RBFOX1: variants seen among roughly 807,000 people sequenced by gnomAD.
RBFOX1 encodes RNA binding fox-1 homolog 1.
A neutral mutation model predicts 57.7 loss-of-function variants in RBFOX1; 8 were observed. That is an observed-to-expected ratio of 0.14 (90% CI 0.08 to 0.25). The LOEUF (loss-of-function observed/expected upper bound fraction) is 0.25. Among genes scored for constraint, RBFOX1 ranks in the 10% least tolerant of loss-of-function variants. The pLI is 1.00. For synonymous variants in RBFOX1, 326 were observed against 222.4 expected, an observed-to-expected ratio of 1.47 and a Z score of -4.15; for missense variants, 611 against 548.5, an observed-to-expected ratio of 1.11 and a Z score of -1.14.
At chr16:5,249,881 C>T (rs910085532) in intron 1 of RBFOX1, among the ~76,000 whole-genome samples, 6 of 151,664 alleles carry the variant, frequency 4.0e-5, no homozygotes, top group Non-Finnish European at 7.4e-5. Context: ...ATCGCTTGAA[C>T]CCAGAAGCAG....
chr16:5,785,511 TTTTCTTTC>T (rs369767150), intron 3 of RBFOX1, among the ~76,000 whole-genome samples: 4 of 151,914 alleles, frequency 2.6e-5, no homozygotes, highest in Admixed American at 2.0e-4. Context: ...TTCTTTTCTT[TTTTCTTTC>T]TTTCTTTCTT....
chr16:5,869,270 C>T (rs1220894466), intron 4 of RBFOX1, among the ~76,000 whole-genome samples: 1 of 152,054 alleles, frequency 6.6e-6, no homozygotes. Context: ...CCTGAGACAG[C>T]TGTGTGTTTC....
chr16:7,708,022 C>G (rs2083059096), intron 14 of RBFOX1, among the ~76,000 whole-genome samples: 1 of 152,114 alleles, frequency 6.6e-6, no homozygotes, highest in Non-Finnish European at 1.5e-5. Flanking sequence ...ATACGGTGGA[C>G]CAAGCACGCA....
chr16:6,806,100 C>T (rs1174562638), intron 3 of RBFOX1, among the ~76,000 whole-genome samples: 7 of 152,000 alleles, frequency 4.6e-5, no homozygotes, highest in Non-Finnish European at 8.8e-5. Flanking sequence ...GATGATTCAT[C>T]CAAGAACCAG....
chr16:5,481,031 T>C (rs2069522125), intron 2 of RBFOX1, among the ~76,000 whole-genome samples: 1 of 152,252 alleles, frequency 6.6e-6, no homozygotes, highest in African/African-American at 2.4e-5. Flanking sequence ...ACATTGAATG[T>C]GAATGCCTGT....
intron 3 of RBFOX1, among the ~76,000 whole-genome samples, chr16:6,696,841 T>C (rs2061126404): frequency 6.6e-6 from 1 of 152,200 alleles, no homozygotes; most frequent in African/African-American, 2.4e-5. Flanking sequence ...TTCTTCAAGG[T>C]TGTGCTCTAC....
chr16:6,289,812 A>G (rs190761353), intron 1 of RBFOX1, among the ~76,000 whole-genome samples: 14 of 152,230 alleles, frequency 9.2e-5, no homozygotes, highest in African/African-American at 3.1e-4. Context: ...TAAGGCCATC[A>G]GTAAAAGAGA....
At chr16:6,526,185 C>T (rs2096574962) in intron 2 of RBFOX1, among the ~76,000 whole-genome samples, 1 of 152,186 alleles carries the variant, frequency 6.6e-6, no homozygotes, top group Non-Finnish European at 1.5e-5. Context: ...TATTTCAGGA[C>T]TGGATGAATT....
chr16:5,627,771 T>C (rs943748574), intron 3 of RBFOX1, among the ~76,000 whole-genome samples: 14 of 152,188 alleles, frequency 9.2e-5, no homozygotes, highest in African/African-American at 3.4e-4. Flanking sequence ...TTGTATTGAA[T>C]ATTATAAGTA....
intron 4 of RBFOX1, among the ~76,000 whole-genome samples, chr16:7,453,780 G>A (rs1384489684): frequency 6.6e-6 from 1 of 152,154 alleles, no homozygotes; most frequent in African/African-American, 2.4e-5. Context: ...GAAGTGTTGG[G>A]CACCCTGATG....
At position 6,916,054 on chromosome 16, in the gene RBFOX1, C is replaced by CTG. The variant is rs559987072; in HGVS notation, c.-15-136002_-15-136001dup. Among the ~76,000 whole-genome samples, 99 of 152,228 alleles carry CTG rather than the reference C, an allele frequency of 6.5e-4. 1 individual carries two copies. The highest frequency in any genetic ancestry group is 2.3e-3 in the African/African-American group (97 of 41,536). ...ACTGGCAGGAAGACAGAGCTCCACA[C>CTG]TGCTACTCCCCAGACCCAGGGCTTA... On this transcript the variant is annotated intron_variant, in intron 3 of 15. Coordinates refer to ENST00000550418, the MANE Select transcript of RBFOX1 (RefSeq NM_018723.4).
intron 4 of RBFOX1, among the ~76,000 whole-genome samples, chr16:5,874,505 T>C (rs72769061): frequency 0.015 from 2,346 of 152,198 alleles, 31 homozygotes; most frequent in Non-Finnish European, 0.024. Context: ...AGAGATATTT[T>C]TTTTTCTTCT....
At chr16:5,580,056 C>A (rs972187380) in intron 2 of RBFOX1, among the ~76,000 whole-genome samples, 1 of 152,180 alleles carries the variant, frequency 6.6e-6, no homozygotes, top group Non-Finnish European at 1.5e-5. Context: ...CAGGTGTGAG[C>A]CACTGCGCCC....
intron 3 of RBFOX1, among the ~76,000 whole-genome samples, chr16:6,792,929 C>T (rs536309004): frequency 6.6e-5 from 10 of 151,532 alleles, no homozygotes; most frequent in African/African-American, 2.4e-4. Context: ...ACTAGGGAGG[C>T]TGAGGCAGAG....
intron 1 of RBFOX1, among the ~76,000 whole-genome samples, chr16:5,464,617 C>T (rs1388462730): frequency 3.9e-5 from 4 of 103,150 alleles, no homozygotes; most frequent in Non-Finnish European, 8.3e-5. Flanking sequence ...CAGTGTTCTC[C>T]TCCCCAGACT....
chr16:5,553,970 CTTTT>C (rs36068724), intron 2 of RBFOX1, among the ~76,000 whole-genome samples: 3 of 133,506 alleles, frequency 2.2e-5, no homozygotes, highest in Non-Finnish European at 3.3e-5. Flanking sequence ...AACACGTATT[CTTTT>C]TTTTTTTTTT....
At chr16:6,871,764 T>C (rs1356552320) in intron 3 of RBFOX1, among the ~76,000 whole-genome samples, 1 of 152,152 alleles carries the variant, frequency 6.6e-6, no homozygotes, top group Non-Finnish European at 1.5e-5. Flanking sequence ...CTGAAATTTC[T>C]ACTCTACCTT....
At chr16:5,722,369 C>T (rs1015241324) in intron 3 of RBFOX1, among the ~76,000 whole-genome samples, 5 of 152,174 alleles carry the variant, frequency 3.3e-5, no homozygotes, top group African/African-American at 4.8e-5. Context: ...TGGCAATGTG[C>T]TTTCTATTGA....
At position 7,697,122 on chromosome 16, in the gene RBFOX1, C is replaced by G. The variant is rs186659823; in HGVS notation, c.996-11934C>G. ...TCAGATAAGACTGCTTTGTGGAGAC[C>G]AAACTGCCAAAGAACAGAAGAAACA... is the stretch of plus-strand genomic sequence containing the variant. On this transcript the variant is annotated intron_variant, in intron 14 of 15. Coordinates refer to ENST00000550418, the MANE Select transcript of RBFOX1 (RefSeq NM_018723.4). Among the ~76,000 whole-genome samples, 28 of 152,224 alleles carry G rather than the reference C, an allele frequency of 1.8e-4. No individual in the cohort carries two copies. The South Asian group carries it at 2.1e-3, about 11-fold the overall frequency.
Sources: allele counts gnomAD v4.1 joint callset (sites outside exome capture counted in the v4.1 genomes callset), GRCh38; gene constraint gnomAD v4.1.1; transcripts MANE v1.5; gene names NCBI Gene and HGNC (gene_info 2026-07-23, HGNC 2026-07-21).